Variants in TENM3 observed in about 807,000 individuals in gnomAD.
TENM3 encodes teneurin transmembrane protein 3, also known as teneurin-3.
A neutral mutation model predicts 255.1 loss-of-function variants in TENM3; 63 were observed. That is an observed-to-expected ratio of 0.25 (90% confidence interval 0.20 to 0.30). TENM3 has a LOEUF of 0.30. TENM3 is among the 10% of genes least tolerant of loss of function. The pLI is 1.00. For synonymous variants in TENM3, 1,306 were observed against 1,322.3 expected (o/e 0.99, Z 0.27); for missense variants, 2,929 against 3,461.1 (o/e 0.85, Z 3.86).
chr4:181,849,928 CTT>C, the TENM3 span, among the ~76,000 whole-genome samples: 4 of 60,278 alleles, frequency 6.6e-5, no homozygotes, highest in African/African-American at 1.3e-4. Flanking sequence ...CTCTCTCTCT[CTT>C]TCTCTCTCTC....
chr4:181,548,360 A>C, the TENM3 span, among the ~76,000 whole-genome samples: 1 of 152,198 alleles, frequency 6.6e-6, no homozygotes, highest in Non-Finnish European at 1.5e-5. Context: ...ACACATGCAC[A>C]CGTATGTTTA....
chr4:182,506,134 G>T (rs760852554), intron 3 of TENM3, among the ~76,000 whole-genome samples: 6 of 152,200 alleles, frequency 3.9e-5, no homozygotes, highest in Non-Finnish European at 1.5e-5. Flanking sequence ...GACTGAGCAT[G>T]AACAGTGTGT....
At chr4:182,326,695 G>T (rs752707572) in intron 2 of TENM3, among the ~76,000 whole-genome samples, 1 of 148,034 alleles carries the variant, frequency 6.8e-6, no homozygotes, top group Admixed American at 6.8e-5. Flanking sequence ...CCACCACCAT[G>T]CCAGGGTAAT....
intron 3 of TENM3, among the ~76,000 whole-genome samples, chr4:182,491,562 T>C (rs1156369569): frequency 6.6e-6 from 1 of 152,192 alleles, no homozygotes; most frequent in Non-Finnish European, 1.5e-5. Context: ...CAAATGGTAG[T>C]GGCGGATAGT....
the TENM3 span, among the ~76,000 whole-genome samples, chr4:181,744,839 A>G: frequency 1.3e-5 from 2 of 152,198 alleles, no homozygotes; most frequent in Non-Finnish European, 2.9e-5. Flanking sequence ...AGAAGGATGG[A>G]GTTATAATTT....
At chr4:181,555,332 A>G in the TENM3 span, among the ~76,000 whole-genome samples, 1 of 152,166 alleles carries the variant, frequency 6.6e-6, no homozygotes, top group Admixed American at 6.5e-5. Flanking sequence ...ATTCGAGACT[A>G]TATTATCTTA....
In TENM3 at chr4:182,482,798, A is replaced by G. The variant is rs73001372; in HGVS notation, c.512-118126A>G. 3.1e-3 allele frequency among the ~76,000 whole-genome samples: 470 copies of G among 152,286 alleles called. 2 individuals carry two copies. Among genetic ancestry groups the G allele is most frequent in the African/African-American group, 0.011 (450 of 41,562 alleles). ...TGGTCTATTTTTATGGCCTTCTCCCATAAGATGCCTTCTTTGTAACATATC... is the reference window on the plus strand; with the variant it reads ...TGGTCTATTTTTATGGCCTTCTCCCGTAAGATGCCTTCTTTGTAACATATC... On this transcript the variant is annotated intron_variant, in intron 3 of 27. Coordinates refer to ENST00000511685, the MANE Select transcript of TENM3 (RefSeq NM_001080477.4).
chr4:181,945,460 T>C, the TENM3 span, among the ~76,000 whole-genome samples: 4 of 152,090 alleles, frequency 2.6e-5, no homozygotes, highest in Non-Finnish European at 4.4e-5. Context: ...CTCATTCACA[T>C]TGTGAATTGG....
At chr4:182,314,837 G>A (rs186337092) in intron 1 of TENM3, among the ~76,000 whole-genome samples, 69 of 152,118 alleles carry the variant, frequency 4.5e-4, no homozygotes, top group African/African-American at 1.5e-3. Context: ...CATATTTTCC[G>A]TGTTCAACTT....
the TENM3 span, among the ~76,000 whole-genome samples, chr4:181,485,472 TAGA>T: frequency 1.5e-5 from 2 of 133,536 alleles, no homozygotes; most frequent in African/African-American, 3.1e-5. Flanking sequence ...AAAGGTACGG[TAGA>T]AGAAGATTTT....
chr4:182,097,881 G>A, the TENM3 span, among the ~76,000 whole-genome samples: 1 of 152,100 alleles, frequency 6.6e-6, no homozygotes, highest in Non-Finnish European at 1.5e-5. Context: ...CCCAAAATGT[G>A]CATAACTTGC....
upstream of TENM3, among the ~76,000 whole-genome samples, chr4:182,242,703 T>C (rs758654063): frequency 1.2e-4 from 19 of 152,110 alleles, no homozygotes; most frequent in African/African-American, 4.3e-4. Context: ...CGAGGTTGCA[T>C]TGAGCTGAGA....
At chr4:182,110,564 A>C in the TENM3 span, among the ~76,000 whole-genome samples, 1 of 152,024 alleles carries the variant, frequency 6.6e-6, no homozygotes, top group Non-Finnish European at 1.5e-5. Context: ...GGGCTCATGC[A>C]ATCCACCTGC....
the TENM3 span, among the ~76,000 whole-genome samples, chr4:181,503,583 C>A: frequency 6.6e-6 from 1 of 152,124 alleles, no homozygotes; most frequent in Non-Finnish European, 1.5e-5. Flanking sequence ...GGGAACTTTT[C>A]CCATTTCCAT....
chr4:182,538,067 GC>G (rs1319250058), intron 3 of TENM3, among the ~76,000 whole-genome samples: 1 of 152,160 alleles, frequency 6.6e-6, no homozygotes, highest in Non-Finnish European at 1.5e-5. Flanking sequence ...GCAATTGAAT[GC>G]TTAAATATAT....
chr4:182,412,375 G>C (rs2151087551), intron 3 of TENM3, among the ~76,000 whole-genome samples: 1 of 152,228 alleles, frequency 6.6e-6, no homozygotes, highest in African/African-American at 2.4e-5. Context: ...AATGAAGAGA[G>C]ACAGAGTCAG....
At chr4:182,076,646 C>T in the TENM3 span, among the ~76,000 whole-genome samples, 4 of 152,308 alleles carry the variant, frequency 2.6e-5, no homozygotes, top group East Asian at 1.9e-4. Flanking sequence ...CTTCTAAACA[C>T]GTATCTCTTA....
chr4:182,210,168 C>T (rs1039622012), intron 1 of TENM3, among the ~76,000 whole-genome samples: 3 of 152,184 alleles, frequency 2.0e-5, no homozygotes, highest in South Asian at 2.1e-4. Context: ...CACCCTCGGG[C>T]GGATGGACGG....
chr4:182,572,057 A>G (rs1744434851), intron 3 of TENM3, among the ~76,000 whole-genome samples: 1 of 152,060 alleles, frequency 6.6e-6, no homozygotes, highest in Non-Finnish European at 1.5e-5. Flanking sequence ...GCCTGCCACC[A>G]CGCCCGGCTC....
Sources: gnomAD v4.1 joint callset for allele counts (sites outside exome capture counted in the v4.1 genomes callset) on GRCh38, gnomAD v4.1.1 for gene constraint, MANE v1.5 for transcripts, NCBI Gene and HGNC (gene_info 2026-07-23, HGNC 2026-07-21) for gene names.